The following SPOCK1 variants were observed in gnomAD, a reference collection of about 807,000 sequenced individuals.
The protein encoded by SPOCK1 is testican-1.
A neutral mutation model predicts 55.3 loss-of-function variants in SPOCK1; 23 were observed. The ratio of observed to expected loss-of-function variants is 0.42; its 90% CI spans 0.30 to 0.59. The LOEUF (loss-of-function observed/expected upper bound fraction) is 0.59. Ranked by LOEUF, SPOCK1 falls within the 20% of genes least tolerant of loss-of-function variation. The pLI, the probability that SPOCK1 is intolerant of heterozygous loss-of-function variation, is 0.22. For missense variants in SPOCK1, 499 were observed against 552.5 expected (o/e 0.90, Z 0.97); for synonymous variants, 226 against 221.0 (o/e 1.02, Z -0.20).
intron 4 of SPOCK1, among the ~76,000 whole-genome samples, chr5:137,126,296 A>T (rs1753781420): frequency 6.6e-6 from 1 of 152,234 alleles, no homozygotes; most frequent in South Asian, 2.1e-4. Context: ...TCCTCATCAG[A>T]AGCAGATGCT....
chr5:137,119,178 G>C (rs902860065), intron 4 of SPOCK1, among the ~76,000 whole-genome samples: 1 of 152,128 alleles, frequency 6.6e-6, no homozygotes, highest in African/African-American at 2.4e-5. Flanking sequence ...CCAATAATAA[G>C]AGTCTTTGTT....
At chr5:137,439,478 AG>A (rs1752943377) in intron 2 of SPOCK1, among the ~76,000 whole-genome samples, 1 of 152,164 alleles carries the variant, frequency 6.6e-6, no homozygotes, top group Admixed American at 6.5e-5. Flanking sequence ...GTAGGGGGTG[AG>A]GGGGCTAAAG....
chr5:137,497,006 T>G (rs1355239451), intron 2 of SPOCK1, among the ~76,000 whole-genome samples: 1 of 150,380 alleles, frequency 6.6e-6, no homozygotes, highest in Non-Finnish European at 1.5e-5. Flanking sequence ...GAGAGGAGAG[T>G]GATAAACCCC....
chr5:137,442,906 C>T (rs999482189), intron 2 of SPOCK1, among the ~76,000 whole-genome samples: 1 of 152,198 alleles, frequency 6.6e-6, no homozygotes, highest in Admixed American at 6.5e-5. Flanking sequence ...GTCATGTGAC[C>T]TGCTCAGTGG....
chr5:137,094,645 C>T (rs1427602031), intron 5 of SPOCK1, among the ~76,000 whole-genome samples: 4 of 152,084 alleles, frequency 2.6e-5, no homozygotes, highest in African/African-American at 9.7e-5. Context: ...AGGGTCTTGC[C>T]CTGATATTGA....
At chr5:137,449,911 A>G (rs1422813761) in intron 2 of SPOCK1, among the ~76,000 whole-genome samples, 3 of 147,726 alleles carry the variant, frequency 2.0e-5, no homozygotes, top group Middle Eastern at 3.6e-3. Context: ...AAAAAAAAAA[A>G]AAAAAAGAAA....
At chr5:136,981,840 G>A (rs980588112) in intron 9 of SPOCK1, among the ~76,000 whole-genome samples, 1 of 152,196 alleles carries the variant, frequency 6.6e-6, no homozygotes, top group African/African-American at 2.4e-5. Flanking sequence ...GAAAACCACT[G>A]TGGCTATAAT....
At chr5:137,078,735 A>T (rs977408858) in intron 5 of SPOCK1, among the ~76,000 whole-genome samples, 1 of 152,180 alleles carries the variant, frequency 6.6e-6, no homozygotes, top group African/African-American at 2.4e-5. Flanking sequence ...TTCCTGGCAC[A>T]TGGTAGACAA....
chr5:137,397,509 C>T (rs980229327), intron 2 of SPOCK1, among the ~76,000 whole-genome samples: 2 of 152,216 alleles, frequency 1.3e-5, no homozygotes, highest in African/African-American at 2.4e-5. Flanking sequence ...CCTCTCCTCT[C>T]ATAGAGGCAG....
intron 3 of SPOCK1, among the ~76,000 whole-genome samples, chr5:137,154,003 T>TA (rs1271492367): frequency 2.7e-5 from 4 of 150,676 alleles, no homozygotes; most frequent in Non-Finnish European, 5.9e-5. Context: ...AGTGATATAA[T>TA]AAGGCCGGGC....
At chr5:137,205,721 AACAG>A (rs1356717941) in intron 3 of SPOCK1, among the ~76,000 whole-genome samples, 1 of 152,222 alleles carries the variant, frequency 6.6e-6, no homozygotes, top group African/African-American at 2.4e-5. Context: ...ACTTGTTACA[AACAG>A]ACTGAAGAGC....
At chr5:137,313,350 G>A in intron 2 of SPOCK1, 3 of 929,880 alleles carry the variant, frequency 3.2e-6, no homozygotes, top group Non-Finnish European at 3.9e-6. Flanking sequence ...GCACACAGAA[G>A]AGCCAGACAT....
chr5:137,247,883 T>C (rs1030316316), intron 3 of SPOCK1, among the ~76,000 whole-genome samples: 6 of 152,102 alleles, frequency 3.9e-5, no homozygotes, highest in African/African-American at 1.2e-4. Context: ...ACTACCTGGG[T>C]AAAAGCACCA....
chr5:137,313,580 AC>A, intron 2 of SPOCK1: 1 of 669,318 alleles, frequency 1.5e-6, no homozygotes, highest in Non-Finnish European at 1.8e-6. Context: ...AATGAACCTG[AC>A]CCCATTCTTC....
At chr5:137,058,828 A>G (rs1465374888) in intron 6 of SPOCK1, among the ~76,000 whole-genome samples, 1 of 152,168 alleles carries the variant, frequency 6.6e-6, no homozygotes, top group Non-Finnish European at 1.5e-5. Context: ...GCCCTGAGGC[A>G]GTGGTGAGAA....
rs1554096436 is a variant in SPOCK1, at chr5:137,079,543, C to CCCG, written c.475-11717_475-11715dup. Among the ~76,000 whole-genome samples the CCCG allele has an allele frequency of 1.2e-3, 173 of 147,936 alleles. 3 individuals carry two copies. The highest frequency in any genetic ancestry group is 8.3e-3 in the East Asian group (41 of 4,930). ...ACCATCCCATCTGATTCCCCCCCCCCCCGACTTAGTGAAATGTCGTACCAA... is the reference window on the plus strand; with the variant it reads ...ACCATCCCATCTGATTCCCCCCCCCCCCGCCGACTTAGTGAAATGTCGTACCAA... On this transcript the variant is annotated intron_variant, in intron 5 of 10. Coordinates refer to ENST00000394945, the MANE Select transcript of SPOCK1 (RefSeq NM_004598.4).
intron 2 of SPOCK1, among the ~76,000 whole-genome samples, chr5:137,359,103 A>G (rs1249650470): frequency 6.6e-6 from 1 of 152,212 alleles, no homozygotes; most frequent in African/African-American, 2.4e-5. Context: ...ATTAGGAGCA[A>G]TCTTTTGAGC....
chr5:137,494,402 T>C (rs763844823), intron 2 of SPOCK1, among the ~76,000 whole-genome samples: 2 of 152,214 alleles, frequency 1.3e-5, no homozygotes, highest in Non-Finnish European at 2.9e-5. Context: ...TAGAGTCAGA[T>C]GGCATAGTTC....
intron 3 of SPOCK1, among the ~76,000 whole-genome samples, chr5:137,163,188 A>G (rs910410394): frequency 1.3e-5 from 2 of 152,204 alleles, no homozygotes; most frequent in Non-Finnish European, 2.9e-5. Context: ...TCAACAACAA[A>G]TATGTATTTA....
Sources: gnomAD v4.1 joint callset for allele counts (sites outside exome capture counted in the v4.1 genomes callset) on GRCh38, gnomAD v4.1.1 for gene constraint, MANE v1.5 for transcripts, NCBI Gene and HGNC (gene_info 2026-07-23, HGNC 2026-07-21) for gene names.